ASAP1: variants seen among roughly 807,000 people sequenced by gnomAD.
ASAP1 encodes the protein ArfGAP with SH3 domain, ankyrin repeat and PH domain 1.
In ASAP1, 43 loss-of-function variants were observed where a neutral mutation model predicts 145.2. The observed-to-expected ratio is 0.30, with a 90% confidence interval of 0.23 to 0.38. The LOEUF is 0.38. Ranked by LOEUF, ASAP1 falls within the 10% of genes least tolerant of loss-of-function variation. ASAP1 has a pLI of 1.00. For missense variants in ASAP1, 1,018 were observed against 1,355.3 expected (o/e 0.75, Z 3.91); for synonymous variants, 546 against 515.5 (o/e 1.06, Z -0.80).
chr8:130,078,283 G>C (rs973961105), intron 26 of ASAP1, among the ~76,000 whole-genome samples: 4 of 151,504 alleles, frequency 2.6e-5, no homozygotes, highest in African/African-American at 9.7e-5. Flanking sequence ...AAAGTGGCGA[G>C]AGCCACTGTG....
At chr8:130,120,633 C>G (rs1482357313) in intron 18 of ASAP1, among the ~76,000 whole-genome samples, 1 of 152,194 alleles carries the variant, frequency 6.6e-6, no homozygotes, top group Non-Finnish European at 1.5e-5. Context: ...GGAATGTCTG[C>G]AGGTGGCTTC....
At chr8:130,374,034 TAAAA>T (rs34199624) in intron 2 of ASAP1, among the ~76,000 whole-genome samples, 1 of 94,402 alleles carries the variant, frequency 1.1e-5, no homozygotes, top group Non-Finnish European at 2.0e-5. Flanking sequence ...TAACTCCCTT[TAAAA>T]AAAAAAAAAA....
In ASAP1 at chr8:130,140,958, C is replaced by T. The variant is rs139636690; in HGVS notation, c.1081-3920G>A. Among the ~76,000 whole-genome samples the T allele has an allele frequency of 2.9e-3, 440 of 152,354 alleles. 1 individual carries two copies. The highest frequency in any genetic ancestry group is 0.01 in the African/African-American group (425 of 41,580). Reference sequence around the variant, plus strand: ...ATCACTACAGTAATAATTGTAACTTCAGATGTTTGTGTAACTTTCCAAAAT... The same window carrying T: ...ATCACTACAGTAATAATTGTAACTTTAGATGTTTGTGTAACTTTCCAAAAT... On this transcript the variant is annotated intron_variant, in intron 13 of 29. Coordinates refer to ENST00000518721, the MANE Select transcript of ASAP1 (RefSeq NM_018482.4).
At position 130,053,649 on chromosome 8, in the gene ASAP1, TA is replaced by T. The variant is rs1339400887; in HGVS notation, c.*1081del. 2 of 152,232 alleles carry T rather than the reference TA, an allele frequency of 1.3e-5. No individual in the cohort carries two copies. Among genetic ancestry groups the T allele is most frequent in the Admixed American group, 1.3e-4 (2 of 15,288 alleles). 9.4% of individuals were successfully genotyped at this position (152,232 alleles called of 1,614,324 possible). ...GGAAACTGTGTGAAGGGTTGACTTT[TA>T]AATTCATCTTGAATAATCTTTTAAA... On this transcript the variant is annotated 3_prime_UTR_variant, in exon 30 of 30. Coordinates refer to ENST00000518721, the MANE Select transcript of ASAP1 (RefSeq NM_018482.4).
chr8:130,188,026 C>T (rs1351839656), intron 6 of ASAP1, 83 bp downstream of exon 6: 3 of 950,918 alleles, frequency 3.2e-6, no homozygotes, highest in Middle Eastern at 2.5e-4. Flanking sequence ...CTTTCAAATA[C>T]AAGTACTACT....
In ASAP1 at chr8:130,140,036, TG is replaced by T. The variant is rs1301625079; in HGVS notation, c.1081-2999del. Among the ~76,000 whole-genome samples the T allele has an allele frequency of 2.8e-5, 4 of 141,118 alleles. No individual in the cohort carries two copies. The East Asian group carries it at 6.0e-4, about 21-fold the overall frequency. The allele number at this position is 141,118 out of a possible 152,430, so 92.6% of individuals were successfully genotyped here. The stretch of plus-strand genomic sequence containing the variant: ...TTTCTTTCTTTTTCTTTCTCCTTTT[TG>T]TTTTTTTTTTTTTGAGATAGGGTCT... On this transcript the variant is annotated intron_variant, in intron 13 of 29. Coordinates refer to ENST00000518721, the MANE Select transcript of ASAP1 (RefSeq NM_018482.4).
intron 16 of ASAP1, among the ~76,000 whole-genome samples, chr8:130,127,601 G>A (rs2097576953): frequency 6.6e-6 from 1 of 152,108 alleles, no homozygotes; most frequent in Non-Finnish European, 1.5e-5. Flanking sequence ...GTCCAGGCTG[G>A]GAGTGGTGGA....
chr8:130,336,445 G>T (rs1302616077), intron 3 of ASAP1, among the ~76,000 whole-genome samples: 2 of 152,196 alleles, frequency 1.3e-5, no homozygotes, highest in Non-Finnish European at 2.9e-5. Context: ...CAGGTGATTT[G>T]TATGCACATT....
intron 1 of ASAP1, among the ~76,000 whole-genome samples, chr8:130,436,232 T>G (rs988319791): frequency 6.6e-6 from 1 of 152,216 alleles, no homozygotes; most frequent in Non-Finnish European, 1.5e-5. Context: ...TCATTAAAAT[T>G]ATAAACTCTC....
chr8:130,181,922 A>C (rs1814383872), intron 7 of ASAP1, among the ~76,000 whole-genome samples: 1 of 152,244 alleles, frequency 6.6e-6, no homozygotes, highest in Non-Finnish European at 1.5e-5. Context: ...GGTAGGGGAA[A>C]CCAACTCTGA....
chr8:130,412,043 A>G (rs1196684141), intron 1 of ASAP1, among the ~76,000 whole-genome samples: 2 of 152,218 alleles, frequency 1.3e-5, no homozygotes, highest in South Asian at 2.1e-4. Context: ...CTGTATGGGT[A>G]TCGGCCACAT....
At chr8:130,244,718 GA>G (rs1477431185) in intron 3 of ASAP1, among the ~76,000 whole-genome samples, 1 of 152,150 alleles carries the variant, frequency 6.6e-6, no homozygotes, top group Non-Finnish European at 1.5e-5. Flanking sequence ...ATAACAAAAA[GA>G]AGGTTGGAAA....
At chr8:130,212,365 G>A (rs888052228) in intron 5 of ASAP1, among the ~76,000 whole-genome samples, 1 of 152,170 alleles carries the variant, frequency 6.6e-6, no homozygotes, top group Non-Finnish European at 1.5e-5. Context: ...GGGAGTGGGT[G>A]TGGAAAAAGG....
intron 25 of ASAP1, among the ~76,000 whole-genome samples, chr8:130,085,587 A>T (rs901513706): frequency 2.6e-5 from 4 of 152,026 alleles, no homozygotes; most frequent in African/African-American, 9.7e-5. Flanking sequence ...TTAAAAAATC[A>T]GCTGGGTGTG....
chr8:130,134,445 G>A (rs1248599494), intron 14 of ASAP1, 101 bp from the exon 15 acceptor site: 1 of 642,390 alleles, frequency 1.6e-6, no homozygotes, highest in Non-Finnish European at 2.4e-6. Flanking sequence ...AGTAAAAGTA[G>A]AATTTTAATA....
intron 1 of ASAP1, 32 bp from the exon 2 acceptor site, chr8:130,402,002 G>C (rs1181228947): frequency 2.1e-6 from 3 of 1,458,026 alleles, no homozygotes; most frequent in East Asian, 2.3e-5. Context: ...AAGGGGACAA[G>C]AGTCATCCGG....
chr8:130,438,140 T>A (rs1401799919), intron 1 of ASAP1, among the ~76,000 whole-genome samples: 2 of 152,114 alleles, frequency 1.3e-5, no homozygotes, highest in African/African-American at 4.8e-5. Flanking sequence ...GTGCTTAAGG[T>A]CTCAAGAAAC....
chr8:130,396,849 G>A (rs1329605045), intron 2 of ASAP1, among the ~76,000 whole-genome samples: 1 of 152,296 alleles, frequency 6.6e-6, no homozygotes, highest in East Asian at 1.9e-4. Flanking sequence ...AGTCACAGAG[G>A]TTTCTCATGG....
intron 24 of ASAP1, among the ~76,000 whole-genome samples, chr8:130,104,903 A>C (rs1012877893): frequency 1.3e-5 from 2 of 152,204 alleles, no homozygotes; most frequent in African/African-American, 4.8e-5. Flanking sequence ...AATTATCTTG[A>C]CAGTTTCTGA....
Sources: gnomAD v4.1 joint callset for allele counts (sites outside exome capture counted in the v4.1 genomes callset) on GRCh38, gnomAD v4.1.1 for gene constraint, MANE v1.5 for transcripts, NCBI Gene and HGNC (gene_info 2026-07-23, HGNC 2026-07-21) for gene names.